The following PAPPA2 variants were observed in gnomAD, a reference collection of about 807,000 sequenced individuals.
PAPPA2 encodes the protein pappalysin-2.
In PAPPA2, 86 loss-of-function variants were observed where a neutral mutation model predicts 176.4. That is an observed-to-expected ratio of 0.49 (90% CI 0.41 to 0.58). PAPPA2 has a LOEUF of 0.58. PAPPA2 is among the 20% of genes least tolerant of loss of function. The probability of loss-of-function intolerance (pLI) is 0.00; values close to 1 mark genes in which losing one functional copy is unlikely to be tolerated. For synonymous variants in PAPPA2, 809 were observed against 852.2 expected (o/e 0.95, Z 0.88); for missense variants, 2,073 against 2,256.9 (o/e 0.92, Z 1.65).
intron 2 of PAPPA2, among the ~76,000 whole-genome samples, chr1:176,581,918 CTTTCTT>C (rs1209159078): frequency 2.1e-4 from 25 of 117,908 alleles, no homozygotes; most frequent in Admixed American, 4.3e-4. Context: ...TTCTTTCTTT[CTTTCTT>C]TTTTTTTTTT....
chr1:176,548,524 G>C (rs1191466431), intron 1 of PAPPA2, among the ~76,000 whole-genome samples: 1 of 152,160 alleles, frequency 6.6e-6, no homozygotes, highest in Non-Finnish European at 1.5e-5. Context: ...ACCAGGAAAA[G>C]TCTGGTTTTG....
At chr1:176,617,647 CAT>C (rs150600721) in intron 3 of PAPPA2, among the ~76,000 whole-genome samples, 95 of 147,002 alleles carry the variant, frequency 6.5e-4, no homozygotes, top group Non-Finnish European at 6.9e-4. Flanking sequence ...TTCCATGGCG[CAT>C]ATATATATAT....
At chr1:176,615,506 T>C (rs1338432987) in intron 3 of PAPPA2, among the ~76,000 whole-genome samples, 1 of 152,110 alleles carries the variant, frequency 6.6e-6, no homozygotes, top group African/African-American at 2.4e-5. Context: ...TTTTTGTATT[T>C]TTAGTAGGGA....
intron 1 of PAPPA2, among the ~76,000 whole-genome samples, chr1:176,479,952 A>G (rs1040804116): frequency 6.6e-6 from 1 of 152,248 alleles, no homozygotes; most frequent in Non-Finnish European, 1.5e-5. Context: ...TTGAAGTTTT[A>G]GCCTGTAGAA....
intron 2 of PAPPA2, 145 bp downstream of exon 2, chr1:176,557,386 T>C (rs1651384246): frequency 2.2e-6 from 2 of 905,936 alleles, no homozygotes; most frequent in East Asian, 5.3e-5. Flanking sequence ...GAAGGGCCTT[T>C]ATTAATCAGC....
At chr1:176,531,483 T>G (rs867469423) in intron 1 of PAPPA2, among the ~76,000 whole-genome samples, 1 of 152,204 alleles carries the variant, frequency 6.6e-6, no homozygotes, top group Admixed American at 6.5e-5. Context: ...CTATCCTAGG[T>G]GCTGGGATAG....
intron 1 of PAPPA2, among the ~76,000 whole-genome samples, chr1:176,476,443 T>C (rs1196030256): frequency 6.6e-6 from 1 of 152,206 alleles, no homozygotes; most frequent in African/African-American, 2.4e-5. Flanking sequence ...GGAAAACAGA[T>C]GGTTACTGAT....
intron 21 of PAPPA2, among the ~76,000 whole-genome samples, chr1:176,831,414 ATGTTC>A (rs1464506027): frequency 5.9e-5 from 9 of 152,148 alleles, no homozygotes; most frequent in Non-Finnish European, 1.0e-4. Flanking sequence ...CTGTGCAGGG[ATGTTC>A]TGTCCTTAAG....
chr1:176,488,097 C>G (rs1307511461), intron 1 of PAPPA2, among the ~76,000 whole-genome samples: 1 of 152,162 alleles, frequency 6.6e-6, no homozygotes, highest in Non-Finnish European at 1.5e-5. Context: ...TGTTGTTTCT[C>G]TAGCTGTTCT....
chr1:176,622,339 A>G (rs1016337302), intron 3 of PAPPA2, among the ~76,000 whole-genome samples: 1 of 152,216 alleles, frequency 6.6e-6, no homozygotes, highest in Non-Finnish European at 1.5e-5. Flanking sequence ...GCCTCATATG[A>G]TGGATGCAAC....
At chr1:176,482,570 G>T (rs923709375) in intron 1 of PAPPA2, among the ~76,000 whole-genome samples, 5 of 152,084 alleles carry the variant, frequency 3.3e-5, no homozygotes, top group Non-Finnish European at 5.9e-5. Flanking sequence ...ACAGCTTCAG[G>T]CTCAGCTAAA....
intron 12 of PAPPA2, among the ~76,000 whole-genome samples, chr1:176,716,090 C>A (rs929319309): frequency 6.6e-6 from 1 of 151,710 alleles, no homozygotes; most frequent in African/African-American, 2.4e-5. Flanking sequence ...AGGGTACTGG[C>A]CCCAACTGTA....
chr1:176,562,281 C>A (rs575318804), intron 2 of PAPPA2, among the ~76,000 whole-genome samples: 1 of 152,122 alleles, frequency 6.6e-6, no homozygotes, highest in African/African-American at 2.4e-5. Flanking sequence ...ATCCCCTTCT[C>A]CCAATAAGGG....
chr1:176,556,752 G>T lies in PAPPA2; in HGVS notation c.430G>T (p.Asp144Tyr), dbSNP rs1161583011. ...TGGGCAATCTGAGCTGCTGGGAGAT[G>T]ATGACGCTTATCTCGGCAATCAAAG... ...PIGQSELLGD[D>Y]DAYLGNQRSK... Residue 144 changes from aspartate to tyrosine, a missense_variant, in exon 2 of 23, where the codon GAT (aspartate) becomes TAT (tyrosine). Asp to Tyr is a radical substitution (Grantham distance 160, BLOSUM62 -3). This residue lies in a region of PAPPA2 where 1,196 missense variants were observed against 1,330.4 expected (regional missense o/e 0.90). Coordinates refer to ENST00000367662, the MANE Select transcript of PAPPA2 (RefSeq NM_020318.3). The T allele has an allele frequency of 1.2e-6, 2 of 1,614,166 alleles. No homozygotes were observed. The highest frequency in any genetic ancestry group is 1.1e-5 in the South Asian group (1 of 91,084).
intron 17 of PAPPA2, among the ~76,000 whole-genome samples, chr1:176,789,517 C>A: frequency 6.6e-6 from 1 of 151,946 alleles, no homozygotes; most frequent in East Asian, 1.9e-4. Flanking sequence ...CAAACCTGCA[C>A]GTTGTGCACA....
At chr1:176,633,535 A>T (rs1446095411) in intron 3 of PAPPA2, among the ~76,000 whole-genome samples, 1 of 152,210 alleles carries the variant, frequency 6.6e-6, no homozygotes, top group East Asian at 1.9e-4. Context: ...TATTATACTT[A>T]ATAGACATCA....
intron 4 of PAPPA2, among the ~76,000 whole-genome samples, chr1:176,677,882 C>G (rs1659385477): frequency 6.6e-6 from 1 of 152,132 alleles, no homozygotes; most frequent in African/African-American, 2.4e-5. Flanking sequence ...AAACAGTCTG[C>G]CCTTAAGGGG....
intron 2 of PAPPA2, among the ~76,000 whole-genome samples, chr1:176,582,435 C>T (rs1205310758): frequency 6.6e-6 from 1 of 152,094 alleles, no homozygotes; most frequent in South Asian, 2.1e-4. Context: ...CTGTTCAGTA[C>T]GATATTAGCG....
chr1:176,699,276 A>T lies in PAPPA2; in HGVS notation c.2923A>T (p.Met975Leu). The part of the protein sequence containing the change: ...TLTLWVTSFF[M>L]ESSQVLFDTE... Reference sequence around the variant, plus strand: ...CACCCTGTGGGTCACTTCCTTCTTCATGGAGTCCTCGCAGGTCCTCTTTGA... The same window carrying T: ...CACCCTGTGGGTCACTTCCTTCTTCTTGGAGTCCTCGCAGGTCCTCTTTGA... Residue 975 changes from methionine to leucine, a missense_variant, in exon 8 of 23, where the codon ATG becomes TTG. Transcript: ENST00000367662. 2 of 1,614,102 alleles carry T rather than the reference A, an allele frequency of 1.2e-6. No homozygotes were observed. The highest frequency in any genetic ancestry group is 1.7e-6 in the Non-Finnish European group (2 of 1,179,992).
Sources: allele counts gnomAD v4.1 joint callset (sites outside exome capture counted in the v4.1 genomes callset), GRCh38; gene constraint gnomAD v4.1.1; regional missense constraint gnomAD v4.1.1; transcripts MANE v1.5; gene names NCBI Gene and HGNC (gene_info 2026-07-23, HGNC 2026-07-21).